GFOD1: variants seen among roughly 807,000 people sequenced by gnomAD.
GFOD1 encodes the protein glucose-fructose oxidoreductase domain-containing protein 1.
A neutral mutation model predicts 25.4 loss-of-function variants in GFOD1; 9 were observed. The observed-to-expected ratio is 0.35, with a 90% confidence interval of 0.21 to 0.62. GFOD1 has a LOEUF of 0.62. Ranked by LOEUF, GFOD1 falls within the 20% of genes least tolerant of loss-of-function variation. The probability of loss-of-function intolerance (pLI) is 0.72; values close to 1 mark genes in which losing one functional copy is unlikely to be tolerated. For missense variants in GFOD1, 403 were observed against 556.9 expected, an observed-to-expected ratio of 0.72 and a Z score of 2.78; for synonymous variants, 253 against 245.6, an observed-to-expected ratio of 1.03 and a Z score of -0.28.
rs1383214512 is a variant in GFOD1 at position 13,364,868 on chromosome 6, T to G, written c.1048A>C (p.Ile350Leu). The G allele has an allele frequency of 6.2e-7, 1 of 1,614,020 alleles. No individual in the cohort carries two copies. Among genetic ancestry groups the G allele is most frequent in the Admixed American group, 1.7e-5 (1 of 60,030 alleles). ...CLYALCVVDT[I>L]KRSSQTGEWQ... The stretch of plus-strand genomic sequence containing the variant: ...TCGCCCGTCTGGCTGGACCTCTTGA[T>G]GGTGTCCACCACGCACAAGGCATAC... The change falls in exon 2 of 2, where the codon ATC becomes CTC. Residue 350 changes from isoleucine (I) to leucine (L), a missense_variant. Ile to Leu is a conservative substitution (Grantham distance 5). Transcript: ENST00000379287. This position sits in a 1 kb window ranked among gnomAD's most constrained non-coding sequence, Gnocchi z 4.1.
At chr6:13,415,617 C>T (rs2127567054) in intron 1 of GFOD1, among the ~76,000 whole-genome samples, 1 of 152,286 alleles carries the variant, frequency 6.6e-6, no homozygotes, top group South Asian at 2.1e-4. Context: ...GGTTAAGTTC[C>T]ACAGGGCATC....
At chr6:13,469,630 A>G (rs1758443758) in intron 1 of GFOD1, 2 of 1,116,362 alleles carry the variant, frequency 1.8e-6, no homozygotes, top group South Asian at 4.6e-5. Flanking sequence ...CCAAAATACC[A>G]TATTTCACAT....
intron 1 of GFOD1, among the ~76,000 whole-genome samples, chr6:13,438,090 A>G (rs78932184): frequency 0.018 from 2,720 of 152,340 alleles, 79 homozygotes; most frequent in African/African-American, 0.062. Context: ...TGGCGATGTT[A>G]TGTGATGAAG....
In GFOD1 at chr6:13,406,800, G is replaced by T. The variant is rs984543955; in HGVS notation, c.254-41138C>A. ...AGGCCTTCTTTGACAGTCCTGTTCT[G>T]GTTGGCTGCCTGTGTTTATCCCCAT... On this transcript the variant is annotated intron_variant, in intron 1 of 1. Coordinates refer to ENST00000379287, the MANE Select transcript of GFOD1 (RefSeq NM_018988.4). Among the ~76,000 whole-genome samples the T allele has an allele frequency of 4.6e-5, 7 of 152,152 alleles. No homozygotes were observed. The East Asian group carries it at 1.2e-3, about 25-fold the overall frequency.
chr6:13,480,313 T>G (rs747028265), intron 1 of GFOD1, among the ~76,000 whole-genome samples: 2 of 152,196 alleles, frequency 1.3e-5, no homozygotes, highest in Non-Finnish European at 2.9e-5. Flanking sequence ...ACAGAGATCA[T>G]GAAAACAGAT....
intron 1 of GFOD1, among the ~76,000 whole-genome samples, chr6:13,424,830 A>G (rs1446896646): frequency 6.6e-6 from 1 of 152,110 alleles, no homozygotes; most frequent in Non-Finnish European, 1.5e-5. Context: ...ACTTCTCATG[A>G]GGGGACAAAT....
chr6:13,399,770 G>A (rs1362318441), intron 1 of GFOD1, among the ~76,000 whole-genome samples: 2 of 152,194 alleles, frequency 1.3e-5, no homozygotes, highest in African/African-American at 4.8e-5. Context: ...AGTCAACTAA[G>A]GCAACTATCC....
At chr6:13,413,154 C>A (rs944074086) in intron 1 of GFOD1, among the ~76,000 whole-genome samples, 1 of 152,226 alleles carries the variant, frequency 6.6e-6, no homozygotes, top group African/African-American at 2.4e-5. Flanking sequence ...GTTTTGCCCT[C>A]TTTTTTCAGT....
At chr6:13,463,095 A>C (rs968418785) in intron 1 of GFOD1, among the ~76,000 whole-genome samples, 6 of 152,230 alleles carry the variant, frequency 3.9e-5, no homozygotes, top group Non-Finnish European at 7.3e-5. Context: ...CTTAAAGAGC[A>C]TTTAAAAATG....
chr6:13,405,350 T>A (rs1172714866), intron 1 of GFOD1, among the ~76,000 whole-genome samples: 1 of 152,252 alleles, frequency 6.6e-6, no homozygotes, highest in Non-Finnish European at 1.5e-5. Context: ...ACAGGTGGAA[T>A]TAATTTTAAT....
At chr6:13,448,749 T>C (rs949456270) in intron 1 of GFOD1, among the ~76,000 whole-genome samples, 5 of 152,200 alleles carry the variant, frequency 3.3e-5, no homozygotes, top group Non-Finnish European at 7.3e-5. Flanking sequence ...AAGGAATTTA[T>C]AAACTTTTCC....
intron 1 of GFOD1, among the ~76,000 whole-genome samples, chr6:13,395,566 G>T (rs1050724165): frequency 1.3e-5 from 2 of 152,222 alleles, no homozygotes; most frequent in Non-Finnish European, 2.9e-5. Context: ...GCTCAGATAA[G>T]GGAGTTAAGC....
chr6:13,393,530 C>CGGATGGAGA (rs1324969449), intron 1 of GFOD1, among the ~76,000 whole-genome samples: 2 of 152,002 alleles, frequency 1.3e-5, no homozygotes, highest in African/African-American at 4.8e-5. Flanking sequence ...GTAGAGCTCT[C>CGGATGGAGA]CATCACGGTA....
rs149350294 is a variant in GFOD1, at chr6:13,449,115, C to T, written c.253+37523G>A. Among the ~76,000 whole-genome samples, 12 of 152,094 alleles carry T rather than the reference C, an allele frequency of 7.9e-5. No homozygotes were observed. The East Asian group carries it at 1.4e-3, about 17-fold the overall frequency. ...CAGCCTGGGCAACCTAGTGAGACAC[C>T]GTCTCTACAAAAAAAACATTTTTAA... On this transcript the variant is annotated intron_variant, in intron 1 of 1. Coordinates refer to ENST00000379287, the MANE Select transcript of GFOD1 (RefSeq NM_018988.4).
intron 1 of GFOD1, among the ~76,000 whole-genome samples, chr6:13,438,932 A>G (rs1037504072): frequency 2.6e-5 from 4 of 152,220 alleles, no homozygotes; most frequent in Non-Finnish European, 4.4e-5. Flanking sequence ...TATAATTAAT[A>G]CTTATGAAAC....
intron 1 of GFOD1, among the ~76,000 whole-genome samples, chr6:13,480,069 T>G (rs1039285005): frequency 6.6e-6 from 1 of 152,098 alleles, no homozygotes; most frequent in Non-Finnish European, 1.5e-5. Context: ...CTCCCTCACC[T>G]CTGTTCCTGG....
intron 1 of GFOD1, among the ~76,000 whole-genome samples, chr6:13,421,797 G>A (rs1406002381): frequency 1.3e-5 from 2 of 152,174 alleles, no homozygotes; most frequent in African/African-American, 4.8e-5. Flanking sequence ...AGATCAGGCC[G>A]GAAGCTCATC....
intron 1 of GFOD1, among the ~76,000 whole-genome samples, chr6:13,377,652 C>T (rs954352369): frequency 6.6e-6 from 1 of 152,164 alleles, no homozygotes; most frequent in Admixed American, 6.6e-5. Context: ...CAGATGATCC[C>T]CTTTTTGCCG....
chr6:13,365,831 G>A lies in GFOD1; in HGVS notation c.254-169C>T, dbSNP rs1329639003. 6.6e-6 allele frequency among the ~76,000 whole-genome samples: 1 copy of A among 151,206 alleles called. No homozygotes were observed. The highest frequency in any genetic ancestry group is 1.5e-5 in the Non-Finnish European group (1 of 67,886). ...AGGCCAAGGCCGGAGGAGGCCTTGA[G>A]CCCAGGAGTTGGAGGCCAGCCTGGG... On this transcript the variant is annotated intron_variant, in intron 1 of 1. Coordinates refer to ENST00000379287, the MANE Select transcript of GFOD1 (RefSeq NM_018988.4). The surrounding 1 kb of genome is among the most constrained non-coding windows in gnomAD (Gnocchi z 9.2).
Sources: gnomAD v4.1 joint callset for allele counts (sites outside exome capture counted in the v4.1 genomes callset) on GRCh38, gnomAD v4.1.1 for gene constraint, Gnocchi (gnomAD v3.1) non-coding constraint, MANE v1.5 for transcripts, NCBI Gene and HGNC (gene_info 2026-07-23, HGNC 2026-07-21) for gene names.